Variants in SLC25A48 observed in about 807,000 individuals in gnomAD.
SLC25A48 encodes CTC-321K16.1.
In SLC25A48, 29 loss-of-function variants were observed where a neutral mutation model predicts 32.2. That is an observed-to-expected ratio of 0.90 (90% CI 0.67 to 1.23). The LOEUF (loss-of-function observed/expected upper bound fraction) is 1.23, where lower values mean the gene tolerates loss of function less well. Among genes scored for constraint, SLC25A48 ranks in the 50% most tolerant of loss-of-function variants. SLC25A48 has a pLI of 0.00. For synonymous variants in SLC25A48, 164 were observed against 172.3 expected (o/e 0.95, Z 0.38); for missense variants, 399 against 422.7 (o/e 0.94, Z 0.49).
At chr5:135,758,427 A>C (rs1469789442) in intron 3 of SLC25A48, among the ~76,000 whole-genome samples, 4 of 150,852 alleles carry the variant, frequency 2.7e-5, no homozygotes, top group Non-Finnish European at 5.9e-5. Flanking sequence ...TCACATCTCT[A>C]GTTTTAATAT....
intron 3 of SLC25A48, among the ~76,000 whole-genome samples, chr5:135,748,339 C>T (rs1407231360): frequency 2.0e-5 from 3 of 152,206 alleles, no homozygotes; most frequent in African/African-American, 7.2e-5. Flanking sequence ...CACTCTGTCA[C>T]AGTTGCTCAC....
At chr5:135,770,928 T>G (rs1473138485) in intron 3 of SLC25A48, among the ~76,000 whole-genome samples, 1 of 151,924 alleles carries the variant, frequency 6.6e-6, no homozygotes, top group Non-Finnish European at 1.5e-5. Flanking sequence ...GAGAATTATA[T>G]TACTTCCAAT....
intron 3 of SLC25A48, among the ~76,000 whole-genome samples, chr5:135,722,145 T>C (rs1754970982): frequency 6.6e-6 from 1 of 152,220 alleles, no homozygotes; most frequent in Non-Finnish European, 1.5e-5. Flanking sequence ...AAATGAAGTA[T>C]CTTCTGAATC....
chr5:135,854,124 T>A (rs1760117934), intron 4 of SLC25A48, among the ~76,000 whole-genome samples: 1 of 152,214 alleles, frequency 6.6e-6, no homozygotes, highest in Admixed American at 6.5e-5. Flanking sequence ...TGTAAACAGA[T>A]GTGCTGTCAT....
At chr5:135,757,241 CTA>C in intron 3 of SLC25A48, among the ~76,000 whole-genome samples, 1 of 149,644 alleles carries the variant, frequency 6.7e-6, no homozygotes, top group African/African-American at 2.4e-5. Flanking sequence ...TGTTAACACA[CTA>C]TAATATTAAT....
chr5:135,768,771 C>T (rs1756315855), intron 3 of SLC25A48, among the ~76,000 whole-genome samples: 1 of 151,592 alleles, frequency 6.6e-6, no homozygotes, highest in Non-Finnish European at 1.5e-5. Context: ...TATCGCTGGG[C>T]TTGTACAACC....
At chr5:135,680,711 A>G (rs1753876041) in intron 3 of SLC25A48, among the ~76,000 whole-genome samples, 1 of 152,128 alleles carries the variant, frequency 6.6e-6, no homozygotes. Context: ...GCATGGGAAA[A>G]ACCCACCCCC....
intron 1 of SLC25A48, among the ~76,000 whole-genome samples, chr5:135,605,187 C>A (rs1005590293): frequency 1.3e-5 from 2 of 152,182 alleles, no homozygotes; most frequent in Non-Finnish European, 1.5e-5. Context: ...TTATTTATAA[C>A]ATTCTCTATT....
intron 4 of SLC25A48, among the ~76,000 whole-genome samples, chr5:135,870,392 G>A (rs762517338): frequency 6.6e-6 from 1 of 152,206 alleles, no homozygotes; most frequent in African/African-American, 2.4e-5. Flanking sequence ...AGCAGAGAAG[G>A]GTCCGTAGCA....
intron 3 of SLC25A48, among the ~76,000 whole-genome samples, chr5:135,726,688 G>A (rs1206397699): frequency 6.6e-6 from 1 of 152,204 alleles, no homozygotes; most frequent in Non-Finnish European, 1.5e-5. Context: ...TGGTGTGCGT[G>A]TACCACAGTC....
intron 3 of SLC25A48, among the ~76,000 whole-genome samples, chr5:135,648,412 A>G (rs1284426228): frequency 6.6e-6 from 1 of 152,332 alleles, no homozygotes; most frequent in Non-Finnish European, 1.5e-5. Context: ...CCTTAAGTAC[A>G]TTAATATTTT....
chr5:135,888,112 T>C lies in SLC25A48; in HGVS notation c.*88T>C. 1 of 1,549,956 alleles carries C rather than the reference T, an allele frequency of 6.5e-7. No individual in the cohort carries two copies. Among genetic ancestry groups the C allele is most frequent in the Non-Finnish European group, 8.7e-7 (1 of 1,145,620 alleles). On this transcript the variant is annotated 3_prime_UTR_variant, in exon 8 of 8. Coordinates refer to ENST00000681962, the MANE Select transcript of SLC25A48 (RefSeq NM_001349336.2). The stretch of plus-strand genomic sequence containing the variant: ...CCCTGAGAGCTGCAGATGTTTGGCC[T>C]TTGGACCTCCAAGTGGACATCAATT...
chr5:135,651,688 A>G (rs1753117561), intron 3 of SLC25A48, among the ~76,000 whole-genome samples: 1 of 152,178 alleles, frequency 6.6e-6, no homozygotes, highest in Non-Finnish European at 1.5e-5. Flanking sequence ...TTCATATTAA[A>G]CTTTTTTTCT....
intron 1 of SLC25A48, among the ~76,000 whole-genome samples, chr5:135,585,600 G>A (rs1445154302): frequency 1.3e-5 from 2 of 152,174 alleles, no homozygotes; most frequent in Non-Finnish European, 2.9e-5. Context: ...GCACACAGTA[G>A]GTGCTCAATG....
intron 3 of SLC25A48, among the ~76,000 whole-genome samples, chr5:135,805,575 A>G (rs1757444305): frequency 6.6e-6 from 1 of 151,580 alleles, no homozygotes; most frequent in African/African-American, 2.4e-5. Flanking sequence ...GGGAGATATT[A>G]CTTTTAATAT....
At chr5:135,862,070 T>A (rs1221947645) in intron 4 of SLC25A48, among the ~76,000 whole-genome samples, 1 of 152,190 alleles carries the variant, frequency 6.6e-6, no homozygotes, top group African/African-American at 2.4e-5. Flanking sequence ...TGCATGGGCA[T>A]GAGCCTAACT....
chr5:135,781,825 A>C lies in SLC25A48; in HGVS notation c.-520-30698A>C, dbSNP rs1476853889. Among the ~76,000 whole-genome samples, 4 of 115,332 alleles carry C rather than the reference A, an allele frequency of 3.5e-5. 2 individuals are homozygous for C. The highest frequency in any genetic ancestry group is 8.6e-5 in the Non-Finnish European group (4 of 46,698). 75.7% of individuals were successfully genotyped at this position (115,332 alleles called of 152,430 possible). A position where few individuals can be genotyped will look rare whatever the true frequency, so the allele number is the denominator to read the frequency against. The stretch of plus-strand genomic sequence containing the variant: ...AGGAAGTGTACACCCTTTCTGTGAT[A>C]TTGTTCCCAATATTTACAGGGGGAG... On this transcript the variant is annotated intron_variant, in intron 3 of 10. Transcript: ENST00000646290.
At chr5:135,609,897 A>G (rs1752025578) in intron 1 of SLC25A48, among the ~76,000 whole-genome samples, 1 of 152,238 alleles carries the variant, frequency 6.6e-6, no homozygotes, top group South Asian at 2.1e-4. Flanking sequence ...GCCTATGGTG[A>G]AAAAGAGACT....
chr5:135,825,843 G>A (rs918288986), intron 4 of SLC25A48: 3 of 152,174 alleles, frequency 2.0e-5, no homozygotes, highest in Non-Finnish European at 4.4e-5. Context: ...TTACACACTA[G>A]CCCTGGGCCT....
Sources: gnomAD v4.1 joint callset for allele counts (sites outside exome capture counted in the v4.1 genomes callset) on GRCh38, gnomAD v4.1.1 for gene constraint, MANE v1.5 for transcripts, NCBI Gene and HGNC (gene_info 2026-07-23, HGNC 2026-07-21) for gene names.